The following OLFM2 variants were observed in gnomAD, a reference collection of about 807,000 sequenced individuals.
The protein encoded by OLFM2 is olfactomedin 2.
OLFM2 carries 20 observed loss-of-function variants against 43.9 expected under a neutral mutation model. The observed-to-expected ratio is 0.46, with a 90% CI of 0.32 to 0.66. The LOEUF (loss-of-function observed/expected upper bound fraction) is 0.66, where lower values mean the gene tolerates loss of function less well. Ranked by LOEUF, OLFM2 falls within the 30% of genes least tolerant of loss-of-function variation. The pLI, the probability that OLFM2 is intolerant of heterozygous loss-of-function variation, is 0.04. For missense variants in OLFM2, 416 were observed against 643.6 expected (o/e 0.65, Z 3.83); for synonymous variants, 268 against 278.6 (o/e 0.96, Z 0.38).
At chr19:9,893,171 CT>C (rs56099266) in intron 1 of OLFM2, among the ~76,000 whole-genome samples, 16,594 of 146,776 alleles carry the variant, frequency 0.11, 987 homozygotes, top group Middle Eastern at 0.15. Context: ...TTTTCTTTTT[CT>C]TTTTTTTTTT....
intron 1 of OLFM2, among the ~76,000 whole-genome samples, chr19:9,902,308 G>A (rs182508898): frequency 5.9e-5 from 9 of 151,608 alleles, no homozygotes; most frequent in Non-Finnish European, 8.8e-5. Context: ...GATTACAGGC[G>A]TGAGCCACTG....
Position 9,936,500 on chromosome 19 carries a change from G to T in OLFM2, c.-134C>A. On this transcript the variant is annotated 5_prime_UTR_variant, in exon 1 of 6. Transcript: ENST00000264833. ...CGCCGCCTCCCCCGCCTCGCCGGCG[G>T]CCGGGATTCCGCCCCACCCCCGCCC... The T allele has an allele frequency of 1.8e-6, 1 of 566,726 alleles. No homozygotes were observed. The allele number at this position is 566,726 out of a possible 1,614,324, so 35.1% of individuals were successfully genotyped here.
Position 9,857,470 on chromosome 19 carries a change from T to C in OLFM2, c.373A>G (p.Arg125Gly). The C allele has an allele frequency of 6.2e-7, 1 of 1,613,774 alleles. No individual in the cohort carries two copies. Among genetic ancestry groups the C allele is most frequent in the Non-Finnish European group, 8.5e-7 (1 of 1,180,024 alleles). ...SAKSFQELKD[R>G]MTELLPLSSV... ...CTCAGGGGCAACAGTTCCGTCATCCTGTCCTTCAGCTCCTGTGCATCAAGA... is the reference window on the plus strand; with the variant it reads ...CTCAGGGGCAACAGTTCCGTCATCCCGTCCTTCAGCTCCTGTGCATCAAGA... Residue 125 changes from arginine to glycine, a missense_variant, in exon 4 of 6, where the codon AGG (arginine) becomes GGG (glycine). By Grantham distance (125) the Arg-to-Gly change is moderately radical (BLOSUM62 -2). Coordinates refer to ENST00000264833, the MANE Select transcript of OLFM2 (RefSeq NM_058164.4). The surrounding 1 kb of genome is among the most constrained non-coding windows in gnomAD (Gnocchi z 5.7).
intron 1 of OLFM2, among the ~76,000 whole-genome samples, chr19:9,862,848 G>A (rs1045292951): frequency 2.0e-5 from 3 of 151,854 alleles, no homozygotes; most frequent in South Asian, 4.2e-4. Flanking sequence ...GGTGATGTGC[G>A]CCTATAATCC....
intron 1 of OLFM2, among the ~76,000 whole-genome samples, chr19:9,879,540 C>G (rs1053455203): frequency 4.6e-5 from 7 of 152,068 alleles, no homozygotes; most frequent in African/African-American, 1.4e-4. Context: ...CCATGAATGT[C>G]AGTTTCCTGA....
intron 1 of OLFM2, among the ~76,000 whole-genome samples, chr19:9,935,818 C>G (rs1018741619): frequency 1.3e-5 from 2 of 152,072 alleles, no homozygotes; most frequent in Admixed American, 6.6e-5. Flanking sequence ...CACGTTTACC[C>G]TGCACCCCCA....
intron 1 of OLFM2, among the ~76,000 whole-genome samples, chr19:9,915,905 C>T (rs2046873054): frequency 6.6e-6 from 1 of 152,196 alleles, no homozygotes; most frequent in Admixed American, 6.5e-5. Context: ...ACAGGAACAG[C>T]AAGTGCAAAG....
At chr19:9,862,988 CA>C (rs33975846) in intron 1 of OLFM2, among the ~76,000 whole-genome samples, 44 of 135,668 alleles carry the variant, frequency 3.2e-4, no homozygotes, top group Admixed American at 1.1e-3. Flanking sequence ...AACTCTGTCT[CA>C]AAAAAAAAAA....
chr19:9,912,052 G>T (rs2046831451), intron 1 of OLFM2, among the ~76,000 whole-genome samples: 2 of 152,050 alleles, frequency 1.3e-5, no homozygotes, highest in Admixed American at 6.6e-5. Context: ...TCACACACAG[G>T]AAGGCACATC....
chr19:9,929,992 T>C (rs943446045), intron 1 of OLFM2, among the ~76,000 whole-genome samples: 5 of 151,834 alleles, frequency 3.3e-5, no homozygotes, highest in African/African-American at 1.2e-4. Flanking sequence ...TGAGCCGAGA[T>C]CGCGCCACTG....
At chr19:9,900,670 C>G (rs896835708) in intron 1 of OLFM2, among the ~76,000 whole-genome samples, 1 of 151,432 alleles carries the variant, frequency 6.6e-6, no homozygotes, top group Admixed American at 6.6e-5. Flanking sequence ...GCAGGAGGGT[C>G]GCTTGAACCT....
chr19:9,893,208 A>G (rs1302545015), intron 1 of OLFM2, among the ~76,000 whole-genome samples: 2 of 149,600 alleles, frequency 1.3e-5, no homozygotes, highest in African/African-American at 2.5e-5. Flanking sequence ...TCTGTTGCCC[A>G]GGCTGGAGTG....
At chr19:9,886,208 T>C (rs2046585674) in intron 1 of OLFM2, among the ~76,000 whole-genome samples, 1 of 152,142 alleles carries the variant, frequency 6.6e-6, no homozygotes, top group South Asian at 2.1e-4. Context: ...GTTTTTGTTT[T>C]TGTTTTTGTT....
At chr19:9,934,849 A>G (rs1234866942) in intron 1 of OLFM2, among the ~76,000 whole-genome samples, 1 of 152,174 alleles carries the variant, frequency 6.6e-6, no homozygotes, top group Non-Finnish European at 1.5e-5. Flanking sequence ...TCTAACCTCC[A>G]TTCCTCCCAA....
At chr19:9,910,429 T>A (rs1210912406) in intron 1 of OLFM2, among the ~76,000 whole-genome samples, 14 of 152,064 alleles carry the variant, frequency 9.2e-5, no homozygotes, top group Admixed American at 9.2e-4. Context: ...TTGATAGTCT[T>A]GTGGAATAGG....
At chr19:9,919,905 G>A (rs543139118) in intron 1 of OLFM2, among the ~76,000 whole-genome samples, 37 of 141,186 alleles carry the variant, frequency 2.6e-4, no homozygotes, top group Non-Finnish European at 5.2e-4. Flanking sequence ...AGTGATTCTC[G>A]TGCCTCAGCC....
chr19:9,861,409 C>G (rs2046364689), intron 1 of OLFM2, among the ~76,000 whole-genome samples: 1 of 152,056 alleles, frequency 6.6e-6, no homozygotes, highest in Non-Finnish European at 1.5e-5. Context: ...GGTGATCCAC[C>G]CGTCTCAGCC....
intron 1 of OLFM2, among the ~76,000 whole-genome samples, chr19:9,890,953 T>C (rs1742871101): frequency 6.7e-6 from 1 of 149,728 alleles, no homozygotes; most frequent in Non-Finnish European, 1.5e-5. Context: ...ACCCTGTCTC[T>C]GAAACAACGA....
At chr19:9,917,105 A>T (rs1203970840) in intron 1 of OLFM2, among the ~76,000 whole-genome samples, 1 of 152,024 alleles carries the variant, frequency 6.6e-6, no homozygotes, top group Non-Finnish European at 1.5e-5. Flanking sequence ...CAACCTCAGG[A>T]CCTTTGAACT....
Sources: allele counts gnomAD v4.1 joint callset (sites outside exome capture counted in the v4.1 genomes callset), GRCh38; gene constraint gnomAD v4.1.1; non-coding constraint Gnocchi (gnomAD v3.1); transcripts MANE v1.5; gene names NCBI Gene and HGNC (gene_info 2026-07-23, HGNC 2026-07-21).